UACA: variants seen among roughly 807,000 people sequenced by gnomAD.
UACA encodes nuclear membrane binding protein.
In UACA, 112 loss-of-function variants were observed where a neutral mutation model predicts 160.5. The observed-to-expected ratio is 0.70, with a 90% CI of 0.60 to 0.82. The LOEUF is 0.82. Among genes scored for constraint, UACA ranks in the 40% least tolerant of loss-of-function variants. The probability of loss-of-function intolerance (pLI) is 0.00; values close to 1 mark genes in which losing one functional copy is unlikely to be tolerated. For synonymous variants in UACA, 557 were observed against 568.4 expected (o/e 0.98, Z 0.29); for missense variants, 1,574 against 1,614.6 (o/e 0.97, Z 0.43).
intron 1 of UACA, among the ~76,000 whole-genome samples, chr15:70,757,435 A>G (rs960395716): frequency 1.3e-5 from 2 of 152,330 alleles, no homozygotes; most frequent in East Asian, 1.9e-4. Flanking sequence ...TAGGAGCTGT[A>G]AAGTTATGAT....
chr15:70,714,065 A>G (rs1341922089), intron 1 of UACA, among the ~76,000 whole-genome samples: 1 of 152,188 alleles, frequency 6.6e-6, no homozygotes, highest in Non-Finnish European at 1.5e-5. Flanking sequence ...AAAAAAGTAC[A>G]CAGGCTTCTA....
At chr15:70,720,159 C>T (rs1174069093) in intron 1 of UACA, among the ~76,000 whole-genome samples, 3 of 152,144 alleles carry the variant, frequency 2.0e-5, no homozygotes, top group African/African-American at 7.2e-5. Flanking sequence ...GATATGCCTG[C>T]TTCCCCTTCA....
At chr15:70,660,741 A>G (rs550144222) in intron 17 of UACA, 1 of 152,502 alleles carries the variant, frequency 6.6e-6, no homozygotes, top group African/African-American at 2.4e-5. Context: ...TCTTATTGGC[A>G]GTTTTGCGAT....
At position 70,687,805 on chromosome 15, in the gene UACA, G is replaced by C. The variant is rs980202429; in HGVS notation, c.440C>G (p.Pro147Arg). 1 of 1,613,650 alleles carries C rather than the reference G, an allele frequency of 6.2e-7. No homozygotes were observed. The highest frequency in any genetic ancestry group is 1.7e-5 in the Admixed American group (1 of 59,972). ...GTCACAAAGCAGCTGTATGCTAGAA[G>C]GACAATCTGCCATTGCTTTAAGGAA... ...ALHDAAMADCPSSIQLLCDHG... is the reference protein window; with the variant it reads ...ALHDAAMADCRSSIQLLCDHG... Residue 147 changes from proline to arginine, a missense_variant, in exon 6 of 19, where the codon CCT becomes CGT. By Grantham distance (103) the Pro-to-Arg change is moderately radical. Transcript: ENST00000322954.
intron 16 of UACA, among the ~76,000 whole-genome samples, chr15:70,665,223 A>T (rs1427467821): frequency 6.6e-6 from 1 of 152,184 alleles, no homozygotes; most frequent in East Asian, 1.9e-4. Context: ...TCTAGGATTA[A>T]CATATGTTCC....
At chr15:70,754,812 C>A (rs1318420537) in intron 1 of UACA, among the ~76,000 whole-genome samples, 1 of 152,116 alleles carries the variant, frequency 6.6e-6, no homozygotes, top group Non-Finnish European at 1.5e-5. Flanking sequence ...ATTTTTAAGC[C>A]TGGAAGAGAC....
intron 1 of UACA, chr15:70,703,263 T>TCATGTGTATGG (rs1202135442): frequency 7.8e-7 from 1 of 1,287,114 alleles, no homozygotes; most frequent in Non-Finnish European, 1.0e-6. Context: ...GACACATTTG[T>TCATGTGTATGG]GAAAATTGTT....
At chr15:70,664,314 G>T (rs1896826606) in intron 17 of UACA, among the ~76,000 whole-genome samples, 1 of 152,158 alleles carries the variant, frequency 6.6e-6, no homozygotes, top group African/African-American at 2.4e-5. Flanking sequence ...TTTGGAGTCA[G>T]CCAGTTCCAG....
At chr15:70,715,707 T>C (rs1300546611) in intron 1 of UACA, among the ~76,000 whole-genome samples, 5 of 152,168 alleles carry the variant, frequency 3.3e-5, no homozygotes, top group Non-Finnish European at 7.4e-5. Context: ...AGGATTTCCT[T>C]CCAGTGAGTC....
chr15:70,702,114 A>G, intron 1 of UACA: 1 of 1,327,546 alleles, frequency 7.5e-7, no homozygotes, highest in Non-Finnish European at 9.6e-7. Context: ...TAACGCTCGA[A>G]TATTATCTTC....
intron 1 of UACA, among the ~76,000 whole-genome samples, chr15:70,751,963 C>T (rs1288710964): frequency 6.6e-6 from 1 of 152,098 alleles, no homozygotes; most frequent in African/African-American, 2.4e-5. Flanking sequence ...TGGCCGGGCA[C>T]AGTGGCTCAC....
At chr15:70,739,893 T>C (rs1256034374) in intron 1 of UACA, among the ~76,000 whole-genome samples, 2 of 152,210 alleles carry the variant, frequency 1.3e-5, no homozygotes, top group Admixed American at 6.5e-5. Flanking sequence ...TCCCACTTCA[T>C]GCATGACCCT....
At chr15:70,673,126 C>T (rs1002091430) in intron 13 of UACA, among the ~76,000 whole-genome samples, 7 of 151,544 alleles carry the variant, frequency 4.6e-5, no homozygotes, top group Admixed American at 1.3e-4. Flanking sequence ...ACAACAAACA[C>T]ACACAAAAAC....
At chr15:70,737,601 G>A (rs28558343) in intron 1 of UACA, among the ~76,000 whole-genome samples, 27,879 of 151,966 alleles carry the variant, frequency 0.18, 3,978 homozygotes, top group African/African-American at 0.4. Context: ...CCAGCTACTC[G>A]GAAGGCTGAG....
At chr15:70,684,528 C>T (rs747488246) in intron 7 of UACA, 82 bp from the exon 8 acceptor site, 17 of 1,399,884 alleles carry the variant, frequency 1.2e-5, no homozygotes, top group Non-Finnish European at 1.6e-5. Flanking sequence ...TTGTTGAACA[C>T]TGTCTTAGTG....
At chr15:70,666,031 C>A (rs912659430) in intron 16 of UACA, among the ~76,000 whole-genome samples, 1 of 152,150 alleles carries the variant, frequency 6.6e-6, no homozygotes, top group African/African-American at 2.4e-5. Flanking sequence ...GTTATAAACC[C>A]TGCTCATAAA....
At chr15:70,681,744 C>T (rs1897515305) in intron 9 of UACA, 2 of 152,174 alleles carry the variant, frequency 1.3e-5, no homozygotes, top group Admixed American at 6.5e-5. Context: ...CATATATGAA[C>T]ATATTAATTC....
chr15:70,741,481 C>T (rs1029992237), intron 1 of UACA, among the ~76,000 whole-genome samples: 2 of 152,086 alleles, frequency 1.3e-5, no homozygotes, highest in Non-Finnish European at 2.9e-5. Flanking sequence ...GGGATACTTG[C>T]CAAAGTTTTG....
At chr15:70,759,295 C>G (rs968866572) in intron 1 of UACA, among the ~76,000 whole-genome samples, 4 of 152,158 alleles carry the variant, frequency 2.6e-5, no homozygotes, top group Non-Finnish European at 4.4e-5. Flanking sequence ...AGATCTGGTA[C>G]AGTATTTATA....
Sources: gnomAD v4.1 joint callset for allele counts (sites outside exome capture counted in the v4.1 genomes callset) on GRCh38, gnomAD v4.1.1 for gene constraint, MANE v1.5 for transcripts, NCBI Gene and HGNC (gene_info 2026-07-23, HGNC 2026-07-21) for gene names.